CCDC170: variants seen among roughly 807,000 people sequenced by gnomAD.
CCDC170 encodes the protein coiled-coil domain-containing protein 170.
Under a neutral mutation model 72.6 loss-of-function variants are expected in CCDC170, and 69 were observed. The observed-to-expected ratio is 0.95, with a 90% CI of 0.78 to 1.16. The LOEUF (loss-of-function observed/expected upper bound fraction) is 1.16. Among genes scored for constraint, CCDC170 ranks in the 50% most tolerant of loss-of-function variants. The probability of loss-of-function intolerance (pLI) is 0.00; values close to 1 mark genes in which losing one functional copy is unlikely to be tolerated. For missense variants in CCDC170, 852 were observed against 832.5 expected, an observed-to-expected ratio of 1.02 and a Z score of -0.29; for synonymous variants, 300 against 303.9, an observed-to-expected ratio of 0.99 and a Z score of 0.13.
At chr6:151,558,503 T>G (rs1783025029) in intron 5 of CCDC170, among the ~76,000 whole-genome samples, 1 of 152,186 alleles carries the variant, frequency 6.6e-6, no homozygotes, top group Non-Finnish European at 1.5e-5. Flanking sequence ...TTCTTCTACA[T>G]TTTATTCTAG....
chr6:151,540,742 C>T (rs543605623), intron 3 of CCDC170, among the ~76,000 whole-genome samples: 10 of 152,094 alleles, frequency 6.6e-5, no homozygotes, highest in East Asian at 3.9e-4. Context: ...TCTCTTATGA[C>T]CTAATTACCT....
chr6:151,534,089 G>A (rs1412031188), intron 1 of CCDC170, among the ~76,000 whole-genome samples: 2 of 148,828 alleles, frequency 1.3e-5, no homozygotes. Context: ...TTTTGAGACA[G>A]GGTTTTGCTC....
intron 1 of CCDC170, among the ~76,000 whole-genome samples, chr6:151,532,506 C>G (rs1782504391): frequency 6.6e-6 from 1 of 151,526 alleles, no homozygotes; most frequent in South Asian, 2.1e-4. Context: ...ACTCGGGAGG[C>G]TGAGGCAGGA....
intron 9 of CCDC170, among the ~76,000 whole-genome samples, chr6:151,604,620 G>A (rs746501832): frequency 3.9e-5 from 6 of 152,294 alleles, no homozygotes; most frequent in African/African-American, 7.2e-5. Context: ...TGTTTGAGGC[G>A]ATGGATAATG....
At chr6:151,617,309 T>A (rs1483021290) in intron 10 of CCDC170, among the ~76,000 whole-genome samples, 1 of 152,012 alleles carries the variant, frequency 6.6e-6, no homozygotes, top group East Asian at 1.9e-4. Flanking sequence ...AGCAGTCCCA[T>A]GGAATATGGC....
intron 6 of CCDC170, among the ~76,000 whole-genome samples, chr6:151,580,429 C>T (rs774817221): frequency 7.9e-5 from 12 of 152,060 alleles, no homozygotes; most frequent in Non-Finnish European, 1.3e-4. Flanking sequence ...ATTTGTTATA[C>T]CAAGATAAAC....
intron 5 of CCDC170, among the ~76,000 whole-genome samples, chr6:151,568,449 G>A (rs1313471418): frequency 6.6e-6 from 1 of 152,176 alleles, no homozygotes; most frequent in East Asian, 1.9e-4. Flanking sequence ...GTGTGTGCAT[G>A]TGCATGTGTA....
intron 9 of CCDC170, among the ~76,000 whole-genome samples, chr6:151,611,649 A>G (rs182916057): frequency 2.0e-5 from 3 of 152,290 alleles, no homozygotes; most frequent in Admixed American, 2.0e-4. Flanking sequence ...AAACATTCAG[A>G]CTGTAGCAAA....
chr6:151,580,635 G>A (rs190517233), intron 6 of CCDC170, among the ~76,000 whole-genome samples: 3 of 152,232 alleles, frequency 2.0e-5, no homozygotes, highest in Admixed American at 1.3e-4. Context: ...TTCCTTGGAT[G>A]TGGCTCTGAA....
At chr6:151,508,089 T>C (rs1782090412) in intron 1 of CCDC170, among the ~76,000 whole-genome samples, 1 of 152,196 alleles carries the variant, frequency 6.6e-6, no homozygotes. Context: ...GTCTTCAGTC[T>C]CCCTAGTTCC....
intron 5 of CCDC170, among the ~76,000 whole-genome samples, chr6:151,568,516 T>C (rs1455345247): frequency 3.3e-5 from 5 of 152,226 alleles, no homozygotes; most frequent in African/African-American, 1.2e-4. Context: ...AATTCCCCGG[T>C]GTTTTCATAG....
At chr6:151,600,452 C>G (rs1174218911) in intron 9 of CCDC170, among the ~76,000 whole-genome samples, 2 of 152,178 alleles carry the variant, frequency 1.3e-5, no homozygotes, top group African/African-American at 4.8e-5. Context: ...CGTGACCTCC[C>G]CCTGTGTGTC....
In CCDC170 at chr6:151,527,568, T is replaced by A. The variant is rs183658846; in HGVS notation, c.58-8750T>A. Among the ~76,000 whole-genome samples the A allele has an allele frequency of 3.1e-3, 464 of 152,110 alleles. 4 individuals are homozygous for A. The highest frequency in any genetic ancestry group is 0.011 in the African/African-American group (443 of 41,480). On this transcript the variant is annotated intron_variant, in intron 1 of 10. Coordinates refer to ENST00000239374, the MANE Select transcript of CCDC170 (RefSeq NM_025059.4). ...CAAGACTTAATGTATACACTGTAAA[T>A]TAGGGAAGAAACTTTATGTAGTGAG... is the stretch of plus-strand genomic sequence containing the variant.
At chr6:151,570,667 G>A (rs1776204494) in intron 5 of CCDC170, among the ~76,000 whole-genome samples, 1 of 152,128 alleles carries the variant, frequency 6.6e-6, no homozygotes, top group South Asian at 2.1e-4. Context: ...GGATACCAAG[G>A]AACGACCGTA....
chr6:151,589,091 T>TA (rs1776495555), intron 7 of CCDC170, among the ~76,000 whole-genome samples: 1 of 151,988 alleles, frequency 6.6e-6, no homozygotes. Flanking sequence ...CCATCTCTAC[T>TA]AAAAATACAA....
chr6:151,562,247 G>A (rs1230127299), intron 5 of CCDC170, among the ~76,000 whole-genome samples: 8 of 152,234 alleles, frequency 5.3e-5, no homozygotes, highest in Non-Finnish European at 7.4e-5. Flanking sequence ...AAGATCCATC[G>A]TGAGAGAGCT....
intron 1 of CCDC170, among the ~76,000 whole-genome samples, chr6:151,508,343 GC>G (rs1782093846): frequency 6.6e-6 from 1 of 152,002 alleles, no homozygotes; most frequent in Admixed American, 6.6e-5. Context: ...TTTGAGTCTA[GC>G]CTGGCCAACA....
chr6:151,497,506 G>A lies in CCDC170; in HGVS notation c.57+3321G>A, dbSNP rs568134884. On this transcript the variant is annotated intron_variant, in intron 1 of 10. Coordinates refer to ENST00000239374, the MANE Select transcript of CCDC170 (RefSeq NM_025059.4). ...CTCAAGTTGGATTTACCTATAATGC[G>A]ATCACCAGCACAGCCTTACTGGGAT... Among the ~76,000 whole-genome samples, 13 of 152,282 alleles carry A rather than the reference G, an allele frequency of 8.5e-5. 1 individual carries two copies. Among genetic ancestry groups the A allele is most frequent in the South Asian group, 2.1e-4 (1 of 4,830 alleles).
At position 151,544,679 on chromosome 6, in the gene CCDC170, G is replaced by A. The variant is rs749377952; in HGVS notation, c.551G>A (p.Arg184Lys). The A allele has an allele frequency of 4.3e-6, 7 of 1,612,762 alleles. No homozygotes were observed. Among genetic ancestry groups the A allele is most frequent in the Non-Finnish European group, 5.9e-6 (7 of 1,178,954 alleles). ...CGTGACTGCTTGGATCCAGATGAGAGGAATGACAAGGCATCAGATGAAGAT... is the reference window on the plus strand; with the variant it reads ...CGTGACTGCTTGGATCCAGATGAGAAGAATGACAAGGCATCAGATGAAGAT... Reference protein sequence around the residue: ...QLRDCLDPDERNDKASDEDLI... With the variant: ...QLRDCLDPDEKNDKASDEDLI... Residue 184 changes from arginine (R) to lysine (K), a missense_variant, in exon 4 of 11, where the codon AGG becomes AAG. Physicochemically the swap from Arg to Lys is conservative, Grantham distance 26. Coordinates refer to ENST00000239374, the MANE Select transcript of CCDC170 (RefSeq NM_025059.4).
Sources: gnomAD v4.1 joint callset for allele counts (sites outside exome capture counted in the v4.1 genomes callset) on GRCh38, gnomAD v4.1.1 for gene constraint, MANE v1.5 for transcripts, NCBI Gene and HGNC (gene_info 2026-07-23, HGNC 2026-07-21) for gene names.